CAPN13: variants seen among roughly 807,000 people sequenced by gnomAD.
The protein encoded by CAPN13 is calpain 13.
Under a neutral mutation model 98.4 loss-of-function variants are expected in CAPN13, and 90 were observed. The ratio of observed to expected loss-of-function variants is 0.92; its 90% CI spans 0.77 to 1.09. CAPN13 has a LOEUF of 1.09. Among genes scored for constraint, CAPN13 ranks in the 50% least tolerant of loss-of-function variants. The probability of loss-of-function intolerance (pLI) is 0.00; values close to 1 mark genes in which losing one functional copy is unlikely to be tolerated. For synonymous variants in CAPN13, 330 were observed against 305.5 expected, an observed-to-expected ratio of 1.08 and a Z score of -0.84; for missense variants, 887 against 841.3, an observed-to-expected ratio of 1.05 and a Z score of -0.67.
At chr2:30,726,922 C>T (rs13414988) in intron 22 of CAPN13, among the ~76,000 whole-genome samples, 61,774 of 151,904 alleles carry the variant, frequency 0.41, 12,617 homozygotes, top group East Asian at 0.51. Context: ...AGTTGGAAAA[C>T]TCACACTTCC....
In CAPN13 at chr2:30,758,135, A is replaced by G. The variant is rs1239323830; in HGVS notation, c.777T>C (p.Ile259=). 1 of 1,596,824 alleles carries G rather than the reference A, an allele frequency of 6.3e-7. No homozygotes were observed. ...HAYTVTGAEQ[I]QYRRGWEEII... ...TTTCTTCCCAGCCCCTTCGGTATTG[A>G]ATCTGTAAAGAAAACAGAAAAGGAA... is the stretch of plus-strand genomic sequence containing the variant. Residue 259 remains isoleucine, a splice_region_variant and synonymous_variant, in exon 8 of 23, where the codon ATT becomes ATC. Transcript: ENST00000295055.
rs1344687454 is a variant in CAPN13 at position 30,763,988 on chromosome 2, T to C, written c.699+144A>G. On this transcript the variant is annotated intron_variant, in intron 6 of 22. Transcript: ENST00000295055. Reference sequence around the variant, plus strand: ...AGAGGCAGGCTACTGCAGGGTTCAATGGGGTGACCCGGGTAAAGCACGCTA... The same window carrying C: ...AGAGGCAGGCTACTGCAGGGTTCAACGGGGTGACCCGGGTAAAGCACGCTA... The C allele has an allele frequency of 3.9e-6, 3 of 778,040 alleles. No individual in the cohort carries two copies. In the East Asian group the frequency reaches 8.1e-5, roughly 21 times the overall value. 48.2% of individuals were successfully genotyped at this position (778,040 alleles called of 1,614,324 possible).
intron 17 of CAPN13, chr2:30,737,335 G>A (rs558005902): frequency 1.3e-5 from 2 of 152,444 alleles, no homozygotes; most frequent in Non-Finnish European, 2.9e-5. Flanking sequence ...CCTTGTCAAC[G>A]GTGCAGGAGC....
intron 1 of CAPN13, among the ~76,000 whole-genome samples, chr2:30,797,606 A>G (rs1232169184): frequency 2.0e-5 from 3 of 152,174 alleles, no homozygotes; most frequent in Non-Finnish European, 2.9e-5. Context: ...CCATTATGCT[A>G]TCAGCAACTC....
intron 4 of CAPN13, among the ~76,000 whole-genome samples, chr2:30,771,429 A>G (rs1036075408): frequency 6.6e-6 from 1 of 152,222 alleles, no homozygotes; most frequent in Non-Finnish European, 1.5e-5. Context: ...TTCAGAGCAG[A>G]GATGGAGATT....
chr2:30,733,164 T>C (rs1278873403), intron 19 of CAPN13, among the ~76,000 whole-genome samples: 3 of 152,250 alleles, frequency 2.0e-5, no homozygotes, highest in Non-Finnish European at 4.4e-5. Context: ...CACTGGCACA[T>C]AGTCAGGCTT....
At chr2:30,752,226 G>A (rs980176453) in intron 10 of CAPN13, among the ~76,000 whole-genome samples, 5 of 152,222 alleles carry the variant, frequency 3.3e-5, no homozygotes, top group South Asian at 2.1e-4. Flanking sequence ...CAACCATCCC[G>A]ACAGGCAGGT....
In CAPN13 at chr2:30,799,971, G is replaced by A. The variant is rs565949916; in HGVS notation, c.-33+7331C>T. Among the ~76,000 whole-genome samples the A allele has an allele frequency of 8.1e-4, 123 of 152,122 alleles. 1 individual carries two copies. Among genetic ancestry groups the A allele is most frequent in the African/African-American group, 2.8e-3 (118 of 41,470 alleles). On this transcript the variant is annotated intron_variant, in intron 1 of 22. Transcript: ENST00000295055. ...CGCCTGCAGTCCCAGCTACTCGGGAGACTGAGGCAGGAGAATGGCATGAAC... is the reference window on the plus strand; with the variant it reads ...CGCCTGCAGTCCCAGCTACTCGGGAAACTGAGGCAGGAGAATGGCATGAAC...
chr2:30,753,093 T>A lies in CAPN13; in HGVS notation c.1047A>T (p.Gln349His). 6.2e-7 allele frequency: 1 copy of A among 1,614,024 alleles called. No homozygotes were observed. The highest frequency in any genetic ancestry group is 8.5e-7 in the Non-Finnish European group (1 of 1,179,874). The change falls in exon 10 of 23, where the codon CAA becomes CAT. Residue 349 changes from glutamine (Q) to histidine (H), a missense_variant. Gln to His is a conservative substitution (Grantham distance 24). Transcript: ENST00000295055. The part of the protein sequence containing the change: ...HGNTLHEGWS[Q>H]IMFRKQVILG... ...GAATCACTTGCTTCCTAAACATTAT[T>A]TGGGACCATCCTTCGTGGAGTGTGT...
intron 1 of CAPN13, among the ~76,000 whole-genome samples, chr2:30,795,272 T>C (rs1674794759): frequency 6.6e-6 from 1 of 152,070 alleles, no homozygotes; most frequent in East Asian, 1.9e-4. Context: ...GTTTCTCTAG[T>C]TTATATTACA....
At chr2:30,741,768 T>C in intron 15 of CAPN13, 140 bp downstream of exon 15, 1 of 1,512,056 alleles carries the variant, frequency 6.6e-7, no homozygotes. Context: ...CTGGAGACGA[T>C]CCAGGAAGAG....
chr2:30,767,700 G>A (rs980214961), intron 5 of CAPN13, among the ~76,000 whole-genome samples: 1 of 152,196 alleles, frequency 6.6e-6, no homozygotes, highest in Non-Finnish European at 1.5e-5. Context: ...TCTGACACTA[G>A]AAATGAATAA....
At chr2:30,757,927 G>A (rs942476602) in intron 8 of CAPN13, 119 bp downstream of exon 8, 4 of 719,384 alleles carry the variant, frequency 5.6e-6, no homozygotes, top group African/African-American at 1.8e-5. Flanking sequence ...GTAGGTGTGA[G>A]CTGGACAGGC....
At chr2:30,738,570 T>G in intron 15 of CAPN13, 113 bp from the exon 16 acceptor site, 6 of 1,112,322 alleles carry the variant, frequency 5.4e-6, no homozygotes, top group Non-Finnish European at 8.0e-6. Context: ...CCCCACAATG[T>G]ACCCATCTTG....
chr2:30,740,514 G>C (rs909510579), intron 15 of CAPN13, among the ~76,000 whole-genome samples: 6 of 152,262 alleles, frequency 3.9e-5, no homozygotes, highest in Admixed American at 2.6e-4. Context: ...CCTGAGGACA[G>C]TTTGTAGGAT....
Position 30,753,176 on chromosome 2 carries a change from G to A in CAPN13, c.964C>T (p.Gln322Ter). ...EFWMSCQDFQ[Q>*]KFIAMFICSE... is the part of the protein sequence containing the mutation. ...CATATAAACATGGCGATGAATTTCT[G>A]TTGGAAATCTTGACACGACATCCTG... The change falls in exon 10 of 23, where the codon CAG (glutamine) becomes TAG (stop). Residue 322 changes from glutamine to a stop codon, truncating the protein, a stop_gained. Transcript: ENST00000295055. LOFTEE classifies it high-confidence loss of function. 1 of 1,614,028 alleles carries A rather than the reference G, an allele frequency of 6.2e-7. No individual in the cohort carries two copies. Among genetic ancestry groups the A allele is most frequent in the South Asian group, 1.1e-5 (1 of 91,082 alleles).
At chr2:30,750,758 T>C (rs1441392141) in intron 11 of CAPN13, among the ~76,000 whole-genome samples, 1 of 152,238 alleles carries the variant, frequency 6.6e-6, no homozygotes, top group Admixed American at 6.5e-5. Flanking sequence ...CATTCTGATT[T>C]AGAAGGTCTG....
intron 1 of CAPN13, among the ~76,000 whole-genome samples, chr2:30,800,090 A>G: frequency 6.7e-6 from 1 of 148,932 alleles, no homozygotes; most frequent in East Asian, 2.1e-4. Flanking sequence ...AGAAAGAAAG[A>G]AAGAAAAGAA....
intron 22 of CAPN13, chr2:30,729,876 C>T (rs1670999989): frequency 6.6e-6 from 1 of 152,204 alleles, no homozygotes; most frequent in Non-Finnish European, 1.5e-5. Context: ...AGAGAATGGT[C>T]ACCAGGAGGT....
Sources: allele counts gnomAD v4.1 joint callset (sites outside exome capture counted in the v4.1 genomes callset), GRCh38; gene constraint gnomAD v4.1.1; transcripts MANE v1.5; gene names NCBI Gene and HGNC (gene_info 2026-07-23, HGNC 2026-07-21).